Variants in WNK2 observed in about 807,000 individuals in gnomAD.
The protein encoded by WNK2 is serine/threonine-protein kinase WNK2.
A neutral mutation model predicts 192.1 loss-of-function variants in WNK2; 67 were observed. The ratio of observed to expected loss-of-function variants is 0.35; its 90% confidence interval spans 0.29 to 0.43. The LOEUF is 0.43. WNK2 is among the 20% of genes least tolerant of loss of function. The pLI is 1.00. For synonymous variants in WNK2, 1,439 were observed against 1,393.9 expected (o/e 1.03, Z -0.72); for missense variants, 2,698 against 3,089.7 (o/e 0.87, Z 3.01).
At chr9:93,228,176 A>G (rs561728056) in intron 2 of WNK2, among the ~76,000 whole-genome samples, 15 of 152,296 alleles carry the variant, frequency 9.8e-5, no homozygotes, top group African/African-American at 3.6e-4. Context: ...CCACACTGCA[A>G]TGAAGGGGCC....
intron 11 of WNK2, among the ~76,000 whole-genome samples, chr9:93,258,547 T>C (rs1206020476): frequency 2.6e-5 from 4 of 152,152 alleles, no homozygotes; most frequent in South Asian, 2.1e-4. Flanking sequence ...CACTCCTCTA[T>C]GACCTGTGGT....
At chr9:93,218,704 G>T (rs558971787) in intron 2 of WNK2, among the ~76,000 whole-genome samples, 6 of 152,362 alleles carry the variant, frequency 3.9e-5, no homozygotes, top group Non-Finnish European at 7.4e-5. Context: ...CTCCTTTGGG[G>T]CTGGCCCTGC....
At chr9:93,210,744 CT>C (rs1411912586) in intron 2 of WNK2, among the ~76,000 whole-genome samples, 2 of 152,158 alleles carry the variant, frequency 1.3e-5, no homozygotes, top group African/African-American at 2.4e-5. Context: ...GTTTCTCCCG[CT>C]TCAGGGTCCA....
chr9:93,205,383 C>T (rs1007757400), intron 2 of WNK2, among the ~76,000 whole-genome samples: 1 of 152,206 alleles, frequency 6.6e-6, no homozygotes, highest in African/African-American at 2.4e-5. Context: ...CCCCCCAGGT[C>T]TGGAGAGGCC....
intron 26 of WNK2, among the ~76,000 whole-genome samples, chr9:93,302,604 A>C (rs1010194234): frequency 2.0e-5 from 3 of 152,210 alleles, no homozygotes; most frequent in African/African-American, 7.2e-5. Flanking sequence ...AGAGAAGATG[A>C]AACGGCCCCA....
intron 28 of WNK2, 45 bp from the exon 29 acceptor site, chr9:93,317,475 T>C (rs1415718030): frequency 6.3e-7 from 1 of 1,598,956 alleles, no homozygotes; most frequent in Non-Finnish European, 8.5e-7. Flanking sequence ...GGCCAGCTGA[T>C]TGCAGCCACG....
intron 29 of WNK2, chr9:93,318,860 C>T: frequency 7.1e-7 from 1 of 1,399,368 alleles, no homozygotes; most frequent in Non-Finnish European, 9.3e-7. Flanking sequence ...TCCTCCACCT[C>T]CCACTGGAAA....
At position 93,232,002 on chromosome 9, in the gene WNK2, C is replaced by G. The variant is rs149675392; in HGVS notation, c.1075+894C>G. Among the ~76,000 whole-genome samples the G allele has an allele frequency of 2.5e-3, 384 of 152,308 alleles. 2 individuals carry two copies. Among genetic ancestry groups the G allele is most frequent in the African/African-American group, 8.7e-3 (362 of 41,568 alleles). On this transcript the variant is annotated intron_variant, in intron 4 of 29. Coordinates refer to ENST00000427277, the MANE Select transcript of WNK2 (RefSeq NM_006648.4). Reference sequence around the variant, plus strand: ...GATGATGGGAAAGCTGCAACATGTGCAGGGCAAGCAGCGTGGGTCGGGGCT... The same window carrying G: ...GATGATGGGAAAGCTGCAACATGTGGAGGGCAAGCAGCGTGGGTCGGGGCT...
In WNK2 at chr9:93,231,124, C is replaced by T; in HGVS notation, c.1075+16C>T. Reference sequence around the variant, plus strand: ...AGTGTGATAGGTAAACCTGCTTCTCCTCCCCAGGCCCTTGGAGCCCATGAG... The same window carrying T: ...AGTGTGATAGGTAAACCTGCTTCTCTTCCCCAGGCCCTTGGAGCCCATGAG... On this transcript the variant is annotated intron_variant, in intron 4 of 29. Coordinates refer to ENST00000427277, the MANE Select transcript of WNK2 (RefSeq NM_006648.4). 1 of 1,611,308 alleles carries T rather than the reference C, an allele frequency of 6.2e-7. No homozygotes were observed. The highest frequency in any genetic ancestry group is 2.2e-5 in the East Asian group (1 of 44,870).
intron 28 of WNK2, among the ~76,000 whole-genome samples, chr9:93,314,836 G>A (rs1433300290): frequency 1.3e-5 from 2 of 152,194 alleles, no homozygotes; most frequent in East Asian, 1.9e-4. Flanking sequence ...TTTGGTGAGA[G>A]GAACGAGCAG....
At chr9:93,243,442 C>T (rs1315394589) in intron 7 of WNK2, among the ~76,000 whole-genome samples, 3 of 152,206 alleles carry the variant, frequency 2.0e-5, no homozygotes, top group African/African-American at 7.2e-5. Context: ...ACAGCAGAGG[C>T]CCCTTGGCCC....
At chr9:93,318,068 T>C (rs1392557076) in intron 29 of WNK2, 3 of 1,609,672 alleles carry the variant, frequency 1.9e-6, no homozygotes, top group Non-Finnish European at 2.5e-6. Context: ...CCACTTCCTA[T>C]ACTTGAGTTG....
At chr9:93,253,851 C>T (rs1424573601) in intron 9 of WNK2, among the ~76,000 whole-genome samples, 2 of 152,174 alleles carry the variant, frequency 1.3e-5, no homozygotes, top group African/African-American at 2.4e-5. Context: ...GTCCCAAGTG[C>T]CCAGCCACAG....
Position 93,247,317 on chromosome 9 carries a change from C to T in WNK2, c.1543-226C>T, listed in dbSNP as rs1432229497. Among the ~76,000 whole-genome samples the T allele has an allele frequency of 3.3e-5, 5 of 152,192 alleles. No homozygotes were observed. The highest frequency in any genetic ancestry group is 1.3e-4 in the Admixed American group (2 of 15,282). ...TGCTTTGCTCTTGCTGTGGACTCTG[C>T]GGGATGCAGGTCAGGCCTGCGTGGT... On this transcript the variant is annotated intron_variant, in intron 7 of 29. Coordinates refer to ENST00000427277, the MANE Select transcript of WNK2 (RefSeq NM_006648.4). The surrounding 1 kb of genome is among the most constrained non-coding windows in gnomAD (Gnocchi z 5.2).
At position 93,229,516 on chromosome 9, in the gene WNK2, G is replaced by A. The variant is rs1838376050; in HGVS notation, c.682-180G>A. 3.9e-5 allele frequency among the ~76,000 whole-genome samples: 6 copies of A among 152,022 alleles called. No homozygotes were observed. In the South Asian group the frequency reaches 1.2e-3, roughly 31 times the overall value. On this transcript the variant is annotated intron_variant, in intron 2 of 29. Transcript: ENST00000427277. This position sits in a 1 kb window ranked among gnomAD's most constrained non-coding sequence, Gnocchi z 4.9. The stretch of plus-strand genomic sequence containing the variant: ...TTTGGGGGCTGTGTCCAGGGTTGTG[G>A]GGACTAAGGAGTCAGCAGTTGTGGT...
chr9:93,195,565 G>A (rs1441287086), intron 2 of WNK2, among the ~76,000 whole-genome samples: 1 of 151,882 alleles, frequency 6.6e-6, no homozygotes, highest in Non-Finnish European at 1.5e-5. Context: ...TGGGCGTGGT[G>A]GCGGGCGCCT....
chr9:93,218,256 A>G (rs1836129898), intron 2 of WNK2, among the ~76,000 whole-genome samples: 1 of 151,942 alleles, frequency 6.6e-6, no homozygotes, highest in South Asian at 2.1e-4. Flanking sequence ...CGCCTGCCCC[A>G]CCCCACAGGA....
At chr9:93,205,556 C>T (rs1014154121) in intron 2 of WNK2, among the ~76,000 whole-genome samples, 9 of 151,886 alleles carry the variant, frequency 5.9e-5, no homozygotes, top group Admixed American at 2.0e-4. Flanking sequence ...CTCTGTCCTT[C>T]GGCCCGCCCC....
At chr9:93,240,482 C>A (rs976801684) in intron 7 of WNK2, among the ~76,000 whole-genome samples, 1 of 152,150 alleles carries the variant, frequency 6.6e-6, no homozygotes. Context: ...TCCTGCTCCT[C>A]TCATCATCTT....
Sources: gnomAD v4.1 joint callset for allele counts (sites outside exome capture counted in the v4.1 genomes callset) on GRCh38, gnomAD v4.1.1 for gene constraint, Gnocchi (gnomAD v3.1) non-coding constraint, MANE v1.5 for transcripts, NCBI Gene and HGNC (gene_info 2026-07-23, HGNC 2026-07-21) for gene names.